Variants in ANKFN1 observed in about 807,000 individuals in gnomAD.
ANKFN1 encodes the protein ankyrin repeat and fibronectin type III domain containing 1.
A neutral mutation model predicts 108.7 loss-of-function variants in ANKFN1; 74 were observed. The ratio of observed to expected loss-of-function variants is 0.68; its 90% CI spans 0.56 to 0.83. The LOEUF (loss-of-function observed/expected upper bound fraction) is 0.83, where lower values mean the gene tolerates loss of function less well. Among genes scored for constraint, ANKFN1 ranks in the 40% least tolerant of loss-of-function variants. The pLI is 0.00. For missense variants in ANKFN1, 1,505 were observed against 1,382.3 expected, an observed-to-expected ratio of 1.09 and a Z score of -1.41; for synonymous variants, 547 against 516.2, an observed-to-expected ratio of 1.06 and a Z score of -0.81.
At chr17:56,197,782 A>C (rs910152367) in intron 1 of ANKFN1, among the ~76,000 whole-genome samples, 1 of 152,254 alleles carries the variant, frequency 6.6e-6, no homozygotes, top group Non-Finnish European at 1.5e-5. Flanking sequence ...GATCAGCTAA[A>C]CCAGCAGTCC....
chr17:56,287,027 A>G (rs2044237015), intron 3 of ANKFN1, among the ~76,000 whole-genome samples: 1 of 152,148 alleles, frequency 6.6e-6, no homozygotes, highest in Middle Eastern at 3.2e-3. Context: ...CTCTAATCAG[A>G]AATACTTTAA....
intron 8 of ANKFN1, among the ~76,000 whole-genome samples, chr17:56,381,354 A>G (rs1178126820): frequency 6.6e-6 from 1 of 152,182 alleles, no homozygotes; most frequent in African/African-American, 2.4e-5. Flanking sequence ...GAGCAGAATA[A>G]CTGGAAACTC....
intron 4 of ANKFN1, among the ~76,000 whole-genome samples, chr17:56,128,134 A>T (rs1282746855): frequency 1.6e-4 from 24 of 152,028 alleles, no homozygotes; most frequent in Admixed American, 1.6e-3. Flanking sequence ...CACCCAATAC[A>T]TCGACAGGTT....
rs544250399 is a variant in ANKFN1 at position 56,295,527 on chromosome 17, A to G, written c.54-30694A>G. On this transcript the variant is annotated intron_variant, in intron 3 of 20. Coordinates refer to ENST00000682825, the MANE Select transcript of ANKFN1 (RefSeq NM_001370326.1). ...TTAACAATCCCTCCAGATGATTCCA[A>G]TGCACACTGATACATGAAAACCACT... Among the ~76,000 whole-genome samples the G allele has an allele frequency of 2.6e-5, 4 of 152,270 alleles. No homozygotes were observed. In the South Asian group the frequency reaches 6.2e-4, roughly 24 times the overall value.
At chr17:56,132,762 C>T (rs1191541053) in intron 4 of ANKFN1, among the ~76,000 whole-genome samples, 1 of 152,114 alleles carries the variant, frequency 6.6e-6, no homozygotes, top group Non-Finnish European at 1.5e-5. Context: ...CTGGCCATGT[C>T]CTCACATGGT....
intron 8 of ANKFN1, among the ~76,000 whole-genome samples, chr17:56,386,286 G>A (rs1328543988): frequency 2.0e-4 from 30 of 151,544 alleles, no homozygotes; most frequent in South Asian, 2.1e-4. Flanking sequence ...ACACATGGAC[G>A]CAGGAAGGGG....
intron 8 of ANKFN1, among the ~76,000 whole-genome samples, chr17:56,378,946 C>T (rs186805075): frequency 3.3e-4 from 50 of 152,260 alleles, no homozygotes; most frequent in African/African-American, 1.1e-3. Flanking sequence ...TGTCAGGATC[C>T]GGCCAATTTA....
At chr17:56,506,045 T>G (rs1431971804) in intron 20 of ANKFN1, among the ~76,000 whole-genome samples, 1 of 41,052 alleles carries the variant, frequency 2.4e-5, no homozygotes, top group African/African-American at 3.5e-5. Flanking sequence ...ACATTATTTG[T>G]TTTTTTTGTT....
At chr17:56,328,882 A>T (rs2045590901) in intron 4 of ANKFN1, among the ~76,000 whole-genome samples, 1 of 151,998 alleles carries the variant, frequency 6.6e-6, no homozygotes, top group African/African-American at 2.4e-5. Flanking sequence ...TCATCCAATC[A>T]CTAACAAAAT....
chr17:56,082,715 T>C (rs191825574), intron 4 of ANKFN1, among the ~76,000 whole-genome samples: 2 of 152,302 alleles, frequency 1.3e-5, no homozygotes, highest in Non-Finnish European at 2.9e-5. Context: ...GTATTATGCT[T>C]TGGGGAGGTG....
intron 3 of ANKFN1, among the ~76,000 whole-genome samples, chr17:56,228,719 G>A (rs1916479034): frequency 1.3e-5 from 2 of 152,026 alleles, no homozygotes; most frequent in Non-Finnish European, 2.9e-5. Flanking sequence ...AAAGACCCTA[G>A]CTGTTCAAAA....
Position 56,466,411 on chromosome 17 carries a change from G to T in ANKFN1, c.1613G>T (p.Arg538Leu), listed in dbSNP as rs149688029. Reference protein sequence around the residue: ...GRVYYEPIKDRHGNILIVTIR... With the variant: ...GRVYYEPIKDLHGNILIVTIR... The stretch of plus-strand genomic sequence containing the variant: ...GTTTACTATGAGCCCATTAAAGATC[G>T]ACATGGAAACATACTCATAGTCACC... The change falls in exon 15 of 21, where the codon CGA becomes CTA. Residue 538 changes from arginine (R) to leucine (L), a missense_variant. Coordinates refer to ENST00000682825, the MANE Select transcript of ANKFN1 (RefSeq NM_001370326.1). 1 of 1,613,972 alleles carries T rather than the reference G, an allele frequency of 6.2e-7. No individual in the cohort carries two copies. The highest frequency in any genetic ancestry group is 1.7e-5 in the Admixed American group (1 of 59,994).
chr17:56,271,926 T>C (rs1465386506), intron 3 of ANKFN1, among the ~76,000 whole-genome samples: 5 of 152,182 alleles, frequency 3.3e-5, no homozygotes. Flanking sequence ...TAATATCAGA[T>C]GTATAAGTAC....
intron 4 of ANKFN1, among the ~76,000 whole-genome samples, chr17:56,139,197 C>T (rs1907774243): frequency 6.6e-6 from 1 of 152,024 alleles, no homozygotes; most frequent in South Asian, 2.1e-4. Flanking sequence ...AAATTGTAGG[C>T]TAAAAAACCA....
intron 3 of ANKFN1, among the ~76,000 whole-genome samples, chr17:56,276,005 A>G (rs895525510): frequency 6.6e-6 from 1 of 152,050 alleles, no homozygotes; most frequent in African/African-American, 2.4e-5. Flanking sequence ...TCCTGATGCT[A>G]TCCCTCCCCT....
intron 4 of ANKFN1, among the ~76,000 whole-genome samples, chr17:56,116,175 A>C (rs750253587): frequency 9.9e-5 from 15 of 152,108 alleles, no homozygotes; most frequent in Non-Finnish European, 1.9e-4. Context: ...ACTGAATGCT[A>C]GATTGCATTC....
rs1234092763 is a variant in ANKFN1, at chr17:56,188,587, A to G, written c.-70-24011A>G. On this transcript the variant is annotated intron_variant, in intron 1 of 20. Transcript: ENST00000682825. The stretch of plus-strand genomic sequence containing the variant: ...TATGTGTGTGTGTGTGTGTGTATAT[A>G]TATATATATATATATATATATATAT... Among the ~76,000 whole-genome samples, 998 of 101,988 alleles carry G rather than the reference A, an allele frequency of 9.8e-3. 17 individuals carry two copies. Among genetic ancestry groups the G allele is most frequent in the African/African-American group, 0.043 (747 of 17,526 alleles). 66.9% of individuals were successfully genotyped at this position (101,988 alleles called of 152,430 possible).
At chr17:56,355,299 A>G (rs1489427894) in intron 6 of ANKFN1, among the ~76,000 whole-genome samples, 1 of 152,194 alleles carries the variant, frequency 6.6e-6, no homozygotes, top group African/African-American at 2.4e-5. Flanking sequence ...ATGTGGTGAT[A>G]TTTGAGTTGA....
At chr17:56,377,149 T>G (rs2046968426) in intron 8 of ANKFN1, among the ~76,000 whole-genome samples, 1 of 152,220 alleles carries the variant, frequency 6.6e-6, no homozygotes, top group African/African-American at 2.4e-5. Flanking sequence ...ATTTCTGGGT[T>G]CAGCAAAACC....
Sources: allele counts gnomAD v4.1 joint callset (sites outside exome capture counted in the v4.1 genomes callset), GRCh38; gene constraint gnomAD v4.1.1; transcripts MANE v1.5; gene names NCBI Gene and HGNC (gene_info 2026-07-23, HGNC 2026-07-21).